Variants in TBXAS1 observed in about 807,000 individuals in gnomAD.
TBXAS1 encodes the protein thromboxane-A synthase.
TBXAS1 carries 48 observed loss-of-function variants against 60.7 expected under a neutral mutation model. The observed-to-expected ratio is 0.79, with a 90% confidence interval of 0.63 to 1.01. The LOEUF is 1.01. TBXAS1 is among the 50% of genes least tolerant of loss of function. TBXAS1 has a pLI of 0.00. For synonymous variants in TBXAS1, 287 were observed against 269.7 expected (o/e 1.06, Z -0.63); for missense variants, 685 against 686.3 (o/e 1.00, Z 0.02).
intron 3 of TBXAS1, among the ~76,000 whole-genome samples, chr7:139,884,470 G>C (rs2116891503): frequency 6.6e-6 from 1 of 152,362 alleles, no homozygotes; most frequent in African/African-American, 2.4e-5. Flanking sequence ...AGCTGGAGCA[G>C]CAGGAAGGAA....
chr7:139,864,428 A>G (rs1801200341), intron 1 of TBXAS1, among the ~76,000 whole-genome samples: 1 of 152,168 alleles, frequency 6.6e-6, no homozygotes, highest in Non-Finnish European at 1.5e-5. Flanking sequence ...TAATGTTGGT[A>G]TGTTCTAAAT....
chr7:139,781,194 T>C (rs1211316820), intron 2 of TBXAS1, among the ~76,000 whole-genome samples: 1 of 152,174 alleles, frequency 6.6e-6, no homozygotes, highest in African/African-American at 2.4e-5. Context: ...GAAGTTCGTA[T>C]GATATAACGG....
chr7:139,848,793 T>C (rs1224581230), intron 1 of TBXAS1, among the ~76,000 whole-genome samples: 1 of 152,188 alleles, frequency 6.6e-6, no homozygotes, highest in Non-Finnish European at 1.5e-5. Context: ...AAGAAGACTC[T>C]GTCCACTGTA....
intron 8 of TBXAS1, among the ~76,000 whole-genome samples, chr7:139,961,046 T>C (rs939044755): frequency 6.6e-6 from 1 of 151,886 alleles, no homozygotes; most frequent in African/African-American, 2.4e-5. Flanking sequence ...CAATTAGTAA[T>C]AGTGAAAATA....
chr7:139,867,732 G>A (rs1353175528), intron 1 of TBXAS1, among the ~76,000 whole-genome samples: 6 of 152,104 alleles, frequency 3.9e-5, no homozygotes, highest in African/African-American at 1.4e-4. Flanking sequence ...CAGGAGAATC[G>A]CTTGAGCCCA....
intron 3 of TBXAS1, among the ~76,000 whole-genome samples, chr7:139,899,557 C>G (rs1489055368): frequency 6.6e-6 from 1 of 152,254 alleles, no homozygotes; most frequent in Non-Finnish European, 1.5e-5. Context: ...CCTACATTTT[C>G]TCTTCAACCA....
intron 5 of TBXAS1, among the ~76,000 whole-genome samples, chr7:139,939,970 G>T (rs897361101): frequency 2.0e-5 from 3 of 152,232 alleles, no homozygotes; most frequent in African/African-American, 7.2e-5. Flanking sequence ...TCCATAGATC[G>T]TGTTCCCTGT....
At chr7:140,015,550 G>C (rs1476077374) in intron 10 of TBXAS1, among the ~76,000 whole-genome samples, 173 bp from the exon 11 acceptor site, 1 of 152,106 alleles carries the variant, frequency 6.6e-6, no homozygotes, top group South Asian at 2.1e-4. Context: ...GTAGGGGCTT[G>C]GTCACCCTGG....
At chr7:139,877,761 G>T (rs368387958) in intron 3 of TBXAS1, among the ~76,000 whole-genome samples, 3 of 137,722 alleles carry the variant, frequency 2.2e-5, no homozygotes, top group Non-Finnish European at 3.0e-5. Context: ...ACGGAGTCTC[G>T]CTCTGTCGCC....
At chr7:139,908,251 T>C (rs947870081) in intron 3 of TBXAS1, among the ~76,000 whole-genome samples, 8 of 152,094 alleles carry the variant, frequency 5.3e-5, no homozygotes, top group African/African-American at 1.4e-4. Context: ...AGACGATTCA[T>C]TTAAGATCTT....
chr7:140,015,279 CGA>C (rs1569525302), intron 10 of TBXAS1, among the ~76,000 whole-genome samples: 1 of 151,908 alleles, frequency 6.6e-6, no homozygotes. Flanking sequence ...GGAGAGGGAG[CGA>C]GAGGGTGAGC....
chr7:140,005,077 T>C (rs775534697), intron 9 of TBXAS1, among the ~76,000 whole-genome samples: 1 of 152,178 alleles, frequency 6.6e-6, no homozygotes, highest in Non-Finnish European at 1.5e-5. Flanking sequence ...GAGCTGGTCG[T>C]GGGAGGCAGC....
At position 139,911,205 on chromosome 7, in the gene TBXAS1, G is replaced by A; in HGVS notation, c.237-20G>A. 1.2e-6 allele frequency: 2 copies of A among 1,608,014 alleles called. No homozygotes were observed. Among genetic ancestry groups the A allele is most frequent in the South Asian group, 1.1e-5 (1 of 90,972 alleles). The stretch of plus-strand genomic sequence containing the variant: ...AATGGGTAATGCAACACATTTTAAT[G>A]CATTTTTTATTCCTCCCAGGTACTA... On this transcript the variant is annotated intron_variant, in intron 3 of 12. Transcript: ENST00000448866.
chr7:139,990,290 G>A (rs1033004311), intron 9 of TBXAS1, among the ~76,000 whole-genome samples: 1 of 152,198 alleles, frequency 6.6e-6, no homozygotes, highest in Non-Finnish European at 1.5e-5. Flanking sequence ...GCATCCAGGG[G>A]ACGTGAGGGC....
chr7:139,803,044 A>T (rs1797760282), intron 4 of TBXAS1, among the ~76,000 whole-genome samples: 1 of 152,218 alleles, frequency 6.6e-6, no homozygotes, highest in South Asian at 2.1e-4. Context: ...GTACTGGTAA[A>T]GTGGGGTACT....
At chr7:139,950,681 C>CCCCCTCGCCCTCCATCTACGGGAT (rs1809150224) in intron 5 of TBXAS1, among the ~76,000 whole-genome samples, 13 of 122,844 alleles carry the variant, frequency 1.1e-4, no homozygotes, top group South Asian at 4.8e-4. Context: ...ATCTACGGGA[C>CCCCCTCGCCCTCCATCTACGGGAT]CCCCTCGCCC....
intron 4 of TBXAS1, among the ~76,000 whole-genome samples, chr7:139,791,314 A>G (rs2117247441): frequency 6.6e-6 from 1 of 152,350 alleles, no homozygotes; most frequent in Non-Finnish European, 1.5e-5. Context: ...TCAGGGACTT[A>G]GGCGTCCCCT....
Position 139,916,122 on chromosome 7 carries a change from C to G in TBXAS1, c.333+4801C>G, listed in dbSNP as rs180808575. ...TCTTCTTTGCTGTCAGGTACGGTAC[C>G]TAATGAAACCATAGGGCAGCTCTTT... On this transcript the variant is annotated intron_variant, in intron 4 of 12. Coordinates refer to ENST00000448866, the MANE Select transcript of TBXAS1 (RefSeq NM_001061.7). The surrounding 1 kb of genome is among the most constrained non-coding windows in gnomAD (Gnocchi z 4.2). 2.5e-3 allele frequency among the ~76,000 whole-genome samples: 387 copies of G among 152,286 alleles called. 12 individuals are homozygous for G. The highest frequency in any genetic ancestry group is 0.025 in the Admixed American group (380 of 15,300).
chr7:139,798,396 A>C (rs1797625914), intron 4 of TBXAS1, among the ~76,000 whole-genome samples: 1 of 152,214 alleles, frequency 6.6e-6, no homozygotes, highest in Non-Finnish European at 1.5e-5. Flanking sequence ...CTGTGCTGTG[A>C]GCAGAGGAAG....
Sources: allele counts gnomAD v4.1 joint callset (sites outside exome capture counted in the v4.1 genomes callset), GRCh38; gene constraint gnomAD v4.1.1; non-coding constraint Gnocchi (gnomAD v3.1); transcripts MANE v1.5; gene names NCBI Gene and HGNC (gene_info 2026-07-23, HGNC 2026-07-21).